The following FARS2 variants were observed in gnomAD, a reference collection of about 807,000 sequenced individuals.
FARS2 encodes phenylalanine--tRNA ligase, mitochondrial.
FARS2 carries 40 observed loss-of-function variants against 46.4 expected under a neutral mutation model. The ratio of observed to expected loss-of-function variants is 0.86; its 90% confidence interval spans 0.67 to 1.12. FARS2 has a LOEUF of 1.12. FARS2 is among the 50% of genes most tolerant of loss of function. The pLI is 0.00. For synonymous variants in FARS2, 234 were observed against 214.9 expected (o/e 1.09, Z -0.78); for missense variants, 513 against 567.9 (o/e 0.90, Z 0.98).
intron 6 of FARS2, among the ~76,000 whole-genome samples, chr6:5,657,151 A>G (rs533187861): frequency 6.6e-6 from 1 of 152,348 alleles, no homozygotes; most frequent in East Asian, 1.9e-4. Context: ...ATTCTTTTCA[A>G]CTATTATCTC....
intron 4 of FARS2, among the ~76,000 whole-genome samples, chr6:5,478,560 G>A (rs200214): frequency 0.88 from 134,631 of 152,208 alleles, 59,901 homozygotes; most frequent in East Asian, 1. Context: ...GTTCATCCCA[G>A]TCTATGCTAC....
chr6:5,459,857 A>G lies in FARS2; in HGVS notation c.904+28685A>G, dbSNP rs572172701. ...GTTTGACATCTGAGTCTTTGGAATC[A>G]TTCTCTGTATCTCTAAGTAACATGT... is the stretch of plus-strand genomic sequence containing the variant. On this transcript the variant is annotated intron_variant, in intron 4 of 6. Coordinates refer to ENST00000274680, the MANE Select transcript of FARS2 (RefSeq NM_006567.5). Among the ~76,000 whole-genome samples the G allele has an allele frequency of 7.2e-5, 11 of 152,172 alleles. No individual in the cohort carries two copies. The South Asian group carries it at 2.3e-3, about 32-fold the overall frequency.
intron 4 of FARS2, among the ~76,000 whole-genome samples, chr6:5,436,064 TACAA>T (rs1356113300): frequency 3.3e-5 from 5 of 151,972 alleles, no homozygotes; most frequent in Non-Finnish European, 7.4e-5. Flanking sequence ...TACACAGACA[TACAA>T]ACAAATGATT....
In FARS2 at chr6:5,330,969, G is replaced by A. The variant is rs551983241; in HGVS notation, c.-21-37581G>A. Among the ~76,000 whole-genome samples the A allele has an allele frequency of 6.6e-5, 10 of 152,064 alleles. No homozygotes were observed. In the South Asian group the frequency reaches 1.0e-3, roughly 16 times the overall value. The stretch of plus-strand genomic sequence containing the variant: ...AAAATCCCCAAAATTAGCCAGGTGC[G>A]GTGGTATGGTCTGTAGTCCGAGCTA... On this transcript the variant is annotated intron_variant, in intron 1 of 6. Transcript: ENST00000274680.
At chr6:5,403,204 C>T (rs1318081224) in intron 2 of FARS2, among the ~76,000 whole-genome samples, 1 of 152,128 alleles carries the variant, frequency 6.6e-6, no homozygotes, top group Non-Finnish European at 1.5e-5. Context: ...TTTTGCTGGC[C>T]AGTTAGAGGA....
At chr6:5,257,252 C>A (rs1338518446), upstream of FARS2, among the ~76,000 whole-genome samples, 1 of 151,944 alleles carries the variant, frequency 6.6e-6, no homozygotes, top group Non-Finnish European at 1.5e-5. Flanking sequence ...CCTGTCACCG[C>A]CCCCCCAACC....
intron 3 of FARS2, among the ~76,000 whole-genome samples, chr6:5,422,379 T>TC (rs1562028794): frequency 1.3e-4 from 20 of 148,562 alleles, no homozygotes; most frequent in Non-Finnish European, 2.8e-4. Flanking sequence ...TCTCTCTCTC[T>TC]TTTTTTTTTA....
At chr6:5,402,492 A>C (rs1203174176) in intron 2 of FARS2, among the ~76,000 whole-genome samples, 1 of 151,782 alleles carries the variant, frequency 6.6e-6, no homozygotes, top group Non-Finnish European at 1.5e-5. Context: ...TATTGAATTT[A>C]TTTGTCGTTC....
chr6:5,497,569 C>T (rs1338495600), intron 4 of FARS2, among the ~76,000 whole-genome samples: 1 of 152,174 alleles, frequency 6.6e-6, no homozygotes, highest in East Asian at 1.9e-4. Context: ...TTTCAACAAA[C>T]ATCATTTCAC....
At chr6:5,281,600 C>A in intron 1 of FARS2, among the ~76,000 whole-genome samples, 1 of 152,166 alleles carries the variant, frequency 6.6e-6, no homozygotes. Flanking sequence ...AAACTCTGTA[C>A]TCCTTAAACA....
upstream of FARS2, among the ~76,000 whole-genome samples, chr6:5,257,684 T>C (rs1205209016): frequency 1.3e-5 from 2 of 152,170 alleles, no homozygotes; most frequent in Non-Finnish European, 2.9e-5. Context: ...GAACTGTGCA[T>C]GTGAGTGATC....
intron 2 of FARS2, among the ~76,000 whole-genome samples, chr6:5,370,530 C>T (rs1334978266): frequency 4.6e-5 from 7 of 152,114 alleles, no homozygotes; most frequent in African/African-American, 1.4e-4. Flanking sequence ...AATTAATGTA[C>T]AAGAGGAGCT....
chr6:5,763,686 C>T (rs1762601446), intron 6 of FARS2, among the ~76,000 whole-genome samples: 1 of 152,024 alleles, frequency 6.6e-6, no homozygotes. Flanking sequence ...GCATTAAGCC[C>T]AGAGCAGTTC....
intron 1 of FARS2, among the ~76,000 whole-genome samples, chr6:5,298,054 C>T (rs1768019644): frequency 6.6e-6 from 1 of 152,260 alleles, no homozygotes; most frequent in Non-Finnish European, 1.5e-5. Flanking sequence ...GTGAATGTTG[C>T]AGCTTTATCA....
rs1769067159 is a variant in FARS2, at chr6:5,311,338, A to G, written c.-22+49678A>G. ...CCTCAACCCCTTCAAAAGGGATCAC[A>G]GGAAACTTTTAGGAAAGGTCGCAAA... On this transcript the variant is annotated intron_variant, in intron 1 of 6. Transcript: ENST00000274680. This position sits in a 1 kb window ranked among gnomAD's most constrained non-coding sequence, Gnocchi z 4.1. Among the ~76,000 whole-genome samples, 1 of 152,236 alleles carries G rather than the reference A, an allele frequency of 6.6e-6. No homozygotes were observed. The highest frequency in any genetic ancestry group is 1.5e-5 in the Non-Finnish European group (1 of 68,036).
At chr6:5,554,257 G>A (rs889769052) in intron 5 of FARS2, among the ~76,000 whole-genome samples, 2 of 152,172 alleles carry the variant, frequency 1.3e-5, no homozygotes, top group Non-Finnish European at 2.9e-5. Flanking sequence ...AGATTTGCTT[G>A]TGCATGTTAA....
At chr6:5,667,774 G>A (rs1234697294) in intron 6 of FARS2, among the ~76,000 whole-genome samples, 1 of 152,170 alleles carries the variant, frequency 6.6e-6, no homozygotes, top group East Asian at 1.9e-4. Flanking sequence ...GCCATGCAAA[G>A]GTATTAGCAA....
intron 3 of FARS2, among the ~76,000 whole-genome samples, chr6:5,429,798 G>A (rs1763060017): frequency 6.6e-6 from 1 of 152,170 alleles, no homozygotes; most frequent in Admixed American, 6.5e-5. Flanking sequence ...GGGTGACAGT[G>A]TGAGATCCTA....
chr6:5,635,940 T>C (rs56151297), intron 6 of FARS2, among the ~76,000 whole-genome samples: 7,164 of 152,268 alleles, frequency 0.047, 464 homozygotes, highest in African/African-American at 0.14. Flanking sequence ...ACTTTTGTAT[T>C]ATCTATTGGT....
Sources: allele counts gnomAD v4.1 joint callset (sites outside exome capture counted in the v4.1 genomes callset), GRCh38; gene constraint gnomAD v4.1.1; non-coding constraint Gnocchi (gnomAD v3.1); transcripts MANE v1.5; gene names NCBI Gene and HGNC (gene_info 2026-07-23, HGNC 2026-07-21).